The following GEMIN5 variants were observed in gnomAD, a reference collection of about 807,000 sequenced individuals.
GEMIN5 encodes the protein gem nuclear organelle associated protein 5.
GEMIN5 carries 124 observed loss-of-function variants against 176.9 expected under a neutral mutation model. That is an observed-to-expected ratio of 0.70 (90% CI 0.61 to 0.81). GEMIN5 has a LOEUF of 0.81. Ranked by LOEUF, GEMIN5 falls within the 40% of genes least tolerant of loss-of-function variation. GEMIN5 has a pLI of 0.00. For synonymous variants in GEMIN5, 673 were observed against 665.2 expected, an observed-to-expected ratio of 1.01 and a Z score of -0.18; for missense variants, 1,843 against 1,814.6, an observed-to-expected ratio of 1.02 and a Z score of -0.28.
intron 4 of GEMIN5, 121 bp from the exon 5 acceptor site, chr5:154,931,698 T>A: frequency 1.3e-6 from 1 of 783,298 alleles, no homozygotes; most frequent in Non-Finnish European, 2.0e-6. Flanking sequence ...ACTATAAAAT[T>A]TGAAGTTTTA....
At chr5:154,921,085 C>A (rs544915320) in intron 10 of GEMIN5, among the ~76,000 whole-genome samples, 8 of 152,088 alleles carry the variant, frequency 5.3e-5, no homozygotes, top group Non-Finnish European at 1.2e-4. Flanking sequence ...ACTATACATA[C>A]AATGAAAAAT....
intron 5 of GEMIN5, 145 bp downstream of exon 5, chr5:154,931,313 C>G: frequency 5.7e-6 from 4 of 697,984 alleles, no homozygotes; most frequent in African/African-American, 1.8e-5. Flanking sequence ...CTAGGCCAGG[C>G]TCAAATGAGG....
At chr5:154,900,370 G>A (rs1050929373) in intron 21 of GEMIN5, among the ~76,000 whole-genome samples, 2 of 152,126 alleles carry the variant, frequency 1.3e-5, no homozygotes, top group African/African-American at 4.8e-5. Context: ...AAGTATTTTG[G>A]GACTTCTACT....
At chr5:154,889,521 C>T (rs781245631) in intron 26 of GEMIN5, 104 bp from the exon 27 acceptor site, 4 of 565,518 alleles carry the variant, frequency 7.1e-6, no homozygotes, top group African/African-American at 1.9e-5. Flanking sequence ...ATAAAGCTTA[C>T]CATCTTAGCC....
chr5:154,897,324 CAA>C (rs1318317888), intron 23 of GEMIN5, among the ~76,000 whole-genome samples: 2 of 152,148 alleles, frequency 1.3e-5, no homozygotes, highest in Non-Finnish European at 2.9e-5. Context: ...TAGTATCTCA[CAA>C]AGTTATCTAA....
Position 154,891,750 on chromosome 5 carries a change from A to G in GEMIN5, c.3761-8T>C, listed in dbSNP as rs755352269. 1 of 1,565,668 alleles carries G rather than the reference A, an allele frequency of 6.4e-7. No homozygotes were observed. Among genetic ancestry groups the G allele is most frequent in the Non-Finnish European group, 8.6e-7 (1 of 1,163,580 alleles). On this transcript the variant is annotated splice_region_variant and splice_polypyrimidine_tract_variant and intron_variant, in intron 25 of 27. Transcript: ENST00000285873. ...CTCTTAGGTGGTCACAGCCTAGGAA[A>G]AGAGGAAAAAGATACTGGGTCATGC...
chr5:154,928,412 T>C, intron 6 of GEMIN5, 115 bp downstream of exon 6: 1 of 881,642 alleles, frequency 1.1e-6, no homozygotes, highest in Non-Finnish European at 1.8e-6. Context: ...TTTTTCCATT[T>C]CAAATGGCCC....
Position 154,907,779 on chromosome 5 carries a change from T to A in GEMIN5, c.2207A>T (p.Gln736Leu), listed in dbSNP as rs200450703. 57 of 1,613,948 alleles carry A rather than the reference T, an allele frequency of 3.5e-5. No individual in the cohort carries two copies. The East Asian group carries it at 8.2e-4, about 23-fold the overall frequency. Residue 736 changes from glutamine to leucine, a missense_variant, in exon 16 of 28, where the codon CAA (glutamine) becomes CTA (leucine). Transcript: ENST00000285873. ...SIELEKKRLSQPKAKPKKKKK... is the reference protein window; with the variant it reads ...SIELEKKRLSLPKAKPKKKKK... The stretch of plus-strand genomic sequence containing the variant: ...CTTCTTTTTGGGCTTTGCCTTAGGT[T>A]GAGAGAGCCGTTTTTTCTCCAATTC...
chr5:154,905,059 T>C (rs1763542334), intron 17 of GEMIN5, among the ~76,000 whole-genome samples: 1 of 152,092 alleles, frequency 6.6e-6, no homozygotes, highest in Admixed American at 6.5e-5. Flanking sequence ...CTGGGCATGG[T>C]GGCGGGCGCC....
Position 154,928,706 on chromosome 5 carries a change from A to G in GEMIN5, c.782-47T>C, listed in dbSNP as rs751995750. ...AGTGGGCACTCAAGACAGTGAAACT[A>G]CATGCATGAAGTCACCGGTGGTTCA... is the stretch of plus-strand genomic sequence containing the variant. On this transcript the variant is annotated intron_variant, in intron 5 of 27. Transcript: ENST00000285873. 4 of 1,585,792 alleles carry G rather than the reference A, an allele frequency of 2.5e-6. No individual in the cohort carries two copies. In the Admixed American group the frequency reaches 6.7e-5, roughly 26 times the overall value.
chr5:154,928,358 T>G (rs2113507563), intron 6 of GEMIN5, among the ~76,000 whole-genome samples, 169 bp downstream of exon 6: 1 of 152,344 alleles, frequency 6.6e-6, no homozygotes, highest in South Asian at 2.1e-4. Flanking sequence ...TATGTGATCT[T>G]TTTACAGCTC....
At chr5:154,921,631 ATCAAATAAT>A (rs1763924043) in intron 9 of GEMIN5, among the ~76,000 whole-genome samples, 2 of 152,336 alleles carry the variant, frequency 1.3e-5, no homozygotes, top group African/African-American at 2.4e-5. Flanking sequence ...ATATTTAAAT[ATCAAATAAT>A]GACATTTACT....
rs765700470 is a variant in GEMIN5 at position 154,937,982 on chromosome 5, G to A, written c.152C>T (p.Thr51Ile). 1.3e-6 allele frequency: 2 copies of A among 1,574,324 alleles called. No homozygotes were observed. Among genetic ancestry groups the A allele is most frequent in the Admixed American group, 1.8e-5 (1 of 55,338 alleles). ...TGGTGAGTTACCTCGAAACGGGGGT[G>A]TCCCTGGACTCTCGCCTGCGCCCGG... The part of the protein sequence containing the change: ...VGPGAGESPG[T>I]PPFRVIGELV... Residue 51 changes from threonine (T) to isoleucine (I), a missense_variant, in exon 1 of 28, where the codon ACA becomes ATA. Coordinates refer to ENST00000285873, the MANE Select transcript of GEMIN5 (RefSeq NM_015465.5).
chr5:154,934,693 A>T (rs1179765413), intron 3 of GEMIN5, among the ~76,000 whole-genome samples: 2 of 152,144 alleles, frequency 1.3e-5, no homozygotes, highest in African/African-American at 4.8e-5. Flanking sequence ...CAAAGCCCCA[A>T]ACCTGGCTGA....
Position 154,905,491 on chromosome 5 carries a change from A to G in GEMIN5, c.2396-15T>C, listed in dbSNP as rs755200440. ...TTCTCTAGAAACTACATCATGGGGG[A>G]AAAAGGAAAAAAAAAGTTAAGGATA... On this transcript the variant is annotated splice_polypyrimidine_tract_variant and intron_variant, in intron 16 of 27. Coordinates refer to ENST00000285873, the MANE Select transcript of GEMIN5 (RefSeq NM_015465.5). 1.6e-6 allele frequency: 2 copies of G among 1,224,702 alleles called. No individual in the cohort carries two copies. The highest frequency in any genetic ancestry group is 2.7e-5 in the South Asian group (2 of 74,336). 75.9% of individuals were successfully genotyped at this position (1,224,702 alleles called of 1,614,324 possible).
intron 14 of GEMIN5, among the ~76,000 whole-genome samples, chr5:154,912,223 T>C (rs568063892): frequency 3.3e-5 from 5 of 152,324 alleles, no homozygotes; most frequent in Admixed American, 2.0e-4. Context: ...ACGAAGAAAA[T>C]AGCCCACATC....
Position 154,932,423 on chromosome 5 carries a change from G to A in GEMIN5, c.510-173C>T, listed in dbSNP as rs376655839. Among the ~76,000 whole-genome samples, 14 of 152,228 alleles carry A rather than the reference G, an allele frequency of 9.2e-5. No homozygotes were observed. In the South Asian group the frequency reaches 1.7e-3, roughly 18 times the overall value. On this transcript the variant is annotated intron_variant, in intron 3 of 27. Transcript: ENST00000285873. ...TTTTGCTTTTTCCTTTTTTTAAAGT[G>A]CTCACCTTATGCCTCCTGGTTTTGT...
intron 21 of GEMIN5, 127 bp downstream of exon 21, chr5:154,901,212 T>C: frequency 1.2e-6 from 1 of 839,876 alleles, no homozygotes; most frequent in Non-Finnish European, 1.9e-6. Flanking sequence ...TCCTGAGTAG[T>C]CCCAGTTACT....
chr5:154,890,336 T>A lies in GEMIN5; in HGVS notation c.4262+905A>T, dbSNP rs1441766522. ...TAGCTTTTACCTTTTATTTTTAATA[T>A]TTTTTAAAAATTTAAACTTTTGCCT... is the stretch of plus-strand genomic sequence containing the variant. On this transcript the variant is annotated intron_variant, in intron 26 of 27. Coordinates refer to ENST00000285873, the MANE Select transcript of GEMIN5 (RefSeq NM_015465.5). Among the ~76,000 whole-genome samples the A allele has an allele frequency of 2.0e-5, 3 of 152,268 alleles. No homozygotes were observed. In the East Asian group the frequency reaches 5.8e-4, roughly 29 times the overall value.
Sources: allele counts gnomAD v4.1 joint callset (sites outside exome capture counted in the v4.1 genomes callset), GRCh38; gene constraint gnomAD v4.1.1; transcripts MANE v1.5; gene names NCBI Gene and HGNC (gene_info 2026-07-23, HGNC 2026-07-21).